Variants in PTPN4 observed in about 807,000 individuals in gnomAD.
The protein encoded by PTPN4 is protein tyrosine phosphatase non-receptor type 4.
PTPN4 carries 49 observed loss-of-function variants against 135.5 expected under a neutral mutation model. The ratio of observed to expected loss-of-function variants is 0.36; its 90% CI spans 0.29 to 0.46. The LOEUF (loss-of-function observed/expected upper bound fraction) is 0.46, where lower values mean the gene tolerates loss of function less well. Ranked by LOEUF, PTPN4 falls within the 20% of genes least tolerant of loss-of-function variation. The pLI, the probability that PTPN4 is intolerant of heterozygous loss-of-function variation, is 1.00. For synonymous variants in PTPN4, 333 were observed against 369.9 expected, an observed-to-expected ratio of 0.90 and a Z score of 1.14; for missense variants, 860 against 1,101.0, an observed-to-expected ratio of 0.78 and a Z score of 3.10.
In PTPN4 at chr2:119,827,601, T is replaced by G. The variant is rs186084633; in HGVS notation, c.138+17610T>G. On this transcript the variant is annotated intron_variant, in intron 2 of 26. Transcript: ENST00000263708. ...CAAATCTTAAATGTAAGACAAGAAT[T>G]TATAAGGTGAAATCTCCTGTGAAAC... 6.4e-4 allele frequency among the ~76,000 whole-genome samples: 98 copies of G among 152,300 alleles called. 3 individuals carry two copies. The highest frequency in any genetic ancestry group is 6.3e-3 in the Admixed American group (96 of 15,284).
intron 9 of PTPN4, among the ~76,000 whole-genome samples, chr2:119,896,331 G>A (rs1037847880): frequency 5.8e-4 from 89 of 152,172 alleles, no homozygotes; most frequent in African/African-American, 1.9e-3. Flanking sequence ...TAATCTACAG[G>A]TTGTTGCTTC....
At chr2:119,845,098 C>T (rs1677470146) in intron 2 of PTPN4, among the ~76,000 whole-genome samples, 1 of 149,756 alleles carries the variant, frequency 6.7e-6, no homozygotes, top group Admixed American at 6.6e-5. Flanking sequence ...CAAAACCAGT[C>T]AGGCGTGGCG....
intron 22 of PTPN4, among the ~76,000 whole-genome samples, chr2:119,957,423 G>A (rs976636111): frequency 1.3e-5 from 2 of 152,046 alleles, no homozygotes; most frequent in Non-Finnish European, 2.9e-5. Flanking sequence ...ACCAGTAATT[G>A]TCTAGGTTGC....
chr2:119,765,036 GAGTC>G (rs1445851749), intron 1 of PTPN4, among the ~76,000 whole-genome samples: 1 of 152,142 alleles, frequency 6.6e-6, no homozygotes, highest in African/African-American at 2.4e-5. Flanking sequence ...TCTGATTTCT[GAGTC>G]AGGAGTCAAA....
chr2:119,930,544 T>C (rs1678889432), intron 13 of PTPN4, among the ~76,000 whole-genome samples: 4 of 152,166 alleles, frequency 2.6e-5, no homozygotes, highest in African/African-American at 9.7e-5. Context: ...ATAAGAGGTC[T>C]GTCTAATAGG....
chr2:119,763,476 C>T (rs1253306111), intron 1 of PTPN4, among the ~76,000 whole-genome samples: 1 of 152,126 alleles, frequency 6.6e-6, no homozygotes, highest in Admixed American at 6.5e-5. Context: ...ACCAAGTATG[C>T]TTTATGAGGT....
chr2:119,851,872 C>T (rs1677598066), intron 2 of PTPN4, among the ~76,000 whole-genome samples: 1 of 152,192 alleles, frequency 6.6e-6, no homozygotes, highest in African/African-American at 2.4e-5. Flanking sequence ...ACCTGACATT[C>T]CTGGTGGATG....
chr2:119,951,889 A>G (rs1679216428), intron 18 of PTPN4, 84 bp from the exon 19 acceptor site: 8 of 1,106,782 alleles, frequency 7.2e-6, no homozygotes, highest in Middle Eastern at 2.2e-4. Context: ...TTCTCCTGCT[A>G]TTGGGTCTAT....
chr2:119,788,740 T>C (rs945941139), intron 1 of PTPN4, among the ~76,000 whole-genome samples: 5 of 152,200 alleles, frequency 3.3e-5, no homozygotes, highest in African/African-American at 9.6e-5. Context: ...ATCTGCATTG[T>C]AGCATGTGTC....
chr2:119,901,700 A>G (rs923305155), intron 10 of PTPN4, among the ~76,000 whole-genome samples: 18 of 152,346 alleles, frequency 1.2e-4, no homozygotes, highest in African/African-American at 4.1e-4. Flanking sequence ...AAATAACTGT[A>G]ATTAATATAC....
chr2:119,932,157 T>C (rs1356282100), intron 13 of PTPN4: 3 of 214,884 alleles, frequency 1.4e-5, no homozygotes, highest in Non-Finnish European at 2.7e-5. Context: ...TTGTCCTTCC[T>C]TTTCTTGTTT....
chr2:119,958,081 G>T (rs991862529), intron 22 of PTPN4, among the ~76,000 whole-genome samples: 2 of 151,860 alleles, frequency 1.3e-5, no homozygotes, highest in African/African-American at 4.8e-5. Flanking sequence ...ACTAGAAAAA[G>T]CTTATTTAAT....
At chr2:119,974,356 C>T (rs891698621) in intron 26 of PTPN4, among the ~76,000 whole-genome samples, 6 of 152,130 alleles carry the variant, frequency 3.9e-5, no homozygotes, top group African/African-American at 4.8e-5. Flanking sequence ...GGATTGCAGG[C>T]GCCCGCCACC....
intron 2 of PTPN4, among the ~76,000 whole-genome samples, chr2:119,836,789 G>A (rs1030285220): frequency 1.3e-5 from 2 of 152,236 alleles, no homozygotes; most frequent in African/African-American, 4.8e-5. Context: ...CAGGTGCTGT[G>A]GCGACCTAGC....
intron 2 of PTPN4, among the ~76,000 whole-genome samples, chr2:119,858,765 TG>T (rs1677717557): frequency 6.6e-6 from 1 of 152,058 alleles, no homozygotes; most frequent in South Asian, 2.1e-4. Flanking sequence ...CCCGGGTAGC[TG>T]GGACTACAGG....
intron 13 of PTPN4, among the ~76,000 whole-genome samples, chr2:119,930,847 A>T (rs1373726020): frequency 6.6e-6 from 1 of 150,816 alleles, no homozygotes; most frequent in African/African-American, 2.4e-5. Context: ...TTTTTTAGCC[A>T]TACAGAAGTG....
chr2:119,958,132 G>A (rs760907924), intron 22 of PTPN4, among the ~76,000 whole-genome samples: 1 of 150,960 alleles, frequency 6.6e-6, no homozygotes, highest in South Asian at 2.1e-4. Context: ...AGTAAGCCTC[G>A]GCAACATATT....
At chr2:119,973,652 C>CTTTTTTT (rs1553481271) in intron 26 of PTPN4, among the ~76,000 whole-genome samples, 35 of 18,044 alleles carry the variant, frequency 1.9e-3, no homozygotes, top group African/African-American at 4.2e-3. Flanking sequence ...TCCTTCATTT[C>CTTTTTTT]TTGTTTTTTT....
At chr2:119,918,926 A>C (rs1188212162) in intron 11 of PTPN4, among the ~76,000 whole-genome samples, 1 of 152,244 alleles carries the variant, frequency 6.6e-6, no homozygotes, top group Non-Finnish European at 1.5e-5. Flanking sequence ...TAAACGTTGA[A>C]TTTATATCAG....
Sources: allele counts gnomAD v4.1 joint callset (sites outside exome capture counted in the v4.1 genomes callset), GRCh38; gene constraint gnomAD v4.1.1; transcripts MANE v1.5; gene names NCBI Gene and HGNC (gene_info 2026-07-23, HGNC 2026-07-21).